Variants in SLC30A8 observed in about 807,000 individuals in gnomAD.
SLC30A8 encodes the protein solute carrier family 30 member 8, also known as proton-coupled zinc antiporter SLC30A8.
In SLC30A8, 27 loss-of-function variants were observed where a neutral mutation model predicts 36.9. The ratio of observed to expected loss-of-function variants is 0.73; its 90% CI spans 0.54 to 1.01. The LOEUF (loss-of-function observed/expected upper bound fraction) is 1.01. Ranked by LOEUF, SLC30A8 falls within the 50% of genes least tolerant of loss-of-function variation. The pLI is 0.00. For synonymous variants in SLC30A8, 164 were observed against 172.4 expected (o/e 0.95, Z 0.38); for missense variants, 439 against 452.0 (o/e 0.97, Z 0.26).
At chr8:117,152,042 G>T (rs1822214984) in intron 2 of SLC30A8, among the ~76,000 whole-genome samples, 1 of 152,162 alleles carries the variant, frequency 6.6e-6, no homozygotes, top group African/African-American at 2.4e-5. Flanking sequence ...GCGAGACAAG[G>T]TGAGTCTGAT....
chr8:117,115,511 A>G (rs188215091), intron 2 of SLC30A8, among the ~76,000 whole-genome samples: 1 of 152,078 alleles, frequency 6.6e-6, no homozygotes, highest in South Asian at 2.1e-4. Context: ...TATTCTCTTT[A>G]CAATCATTCT....
chr8:117,111,429 A>C (rs1165939361), intron 2 of SLC30A8, among the ~76,000 whole-genome samples: 2 of 152,140 alleles, frequency 1.3e-5, no homozygotes, highest in African/African-American at 4.8e-5. Flanking sequence ...TCTTTTAGTA[A>C]TAGCACCCTA....
chr8:117,101,594 C>T (rs1466201744), intron 2 of SLC30A8, among the ~76,000 whole-genome samples: 1 of 152,056 alleles, frequency 6.6e-6, no homozygotes, highest in African/African-American at 2.4e-5. Flanking sequence ...AAGTATTGTA[C>T]CTGGGTGTGT....
chr8:117,077,810 T>C (rs1179899524), intron 2 of SLC30A8, among the ~76,000 whole-genome samples: 1 of 152,234 alleles, frequency 6.6e-6, no homozygotes, highest in Non-Finnish European at 1.5e-5. Context: ...ATTGGCAATC[T>C]TTCTAGAGCG....
At chr8:117,139,039 T>C (rs1209796108) in intron 1 of SLC30A8, among the ~76,000 whole-genome samples, 1 of 151,992 alleles carries the variant, frequency 6.6e-6, no homozygotes, top group African/African-American at 2.4e-5. Flanking sequence ...TGTTGCTTCA[T>C]GATAGCAACA....
intron 2 of SLC30A8, chr8:117,129,950 C>G (rs1259960895): frequency 6.6e-6 from 1 of 151,998 alleles, no homozygotes; most frequent in Non-Finnish European, 1.5e-5. Context: ...CATCTGCTCA[C>G]TGATCAATAT....
intron 1 of SLC30A8, among the ~76,000 whole-genome samples, chr8:116,956,499 T>G (rs776079607): frequency 6.6e-6 from 1 of 152,196 alleles, no homozygotes; most frequent in Non-Finnish European, 1.5e-5. Context: ...AAAACTTCAC[T>G]TTCTAGTGAT....
intron 1 of SLC30A8, among the ~76,000 whole-genome samples, chr8:116,989,976 AG>A (rs1414734486): frequency 6.6e-6 from 1 of 152,238 alleles, no homozygotes; most frequent in African/African-American, 2.4e-5. Context: ...GTCTGCCATG[AG>A]ACAGAAGATG....
chr8:117,088,470 C>T (rs1048754380), intron 2 of SLC30A8, among the ~76,000 whole-genome samples: 21 of 152,040 alleles, frequency 1.4e-4, no homozygotes, highest in African/African-American at 3.4e-4. Context: ...AAATACCTGC[C>T]GAGAGCTGCT....
rs115153671 is a variant in SLC30A8, at chr8:117,155,131, T to A, written c.418+2041T>A. Among the ~76,000 whole-genome samples, 1,427 of 152,256 alleles carry A rather than the reference T, an allele frequency of 9.4e-3. 23 individuals are homozygous for A. Among genetic ancestry groups the A allele is most frequent in the African/African-American group, 0.032 (1,334 of 41,536 alleles). On this transcript the variant is annotated intron_variant, in intron 3 of 7. Transcript: ENST00000456015. ...AGCCCAGCTAAGCTAACTTATTTCT[T>A]TTTTAAGCAATCATTGTAACATTTA...
intron 1 of SLC30A8, among the ~76,000 whole-genome samples, chr8:116,981,876 A>C (rs1815277921): frequency 6.6e-6 from 1 of 152,298 alleles, no homozygotes; most frequent in South Asian, 2.1e-4. Flanking sequence ...TGTGATGAAC[A>C]TATGTGTGCA....
At chr8:117,073,804 CA>C (rs1818409208) in intron 2 of SLC30A8, among the ~76,000 whole-genome samples, 2 of 152,012 alleles carry the variant, frequency 1.3e-5, no homozygotes, top group African/African-American at 4.8e-5. Flanking sequence ...TCATAAAACC[CA>C]ATGGCACAGT....
chr8:117,046,667 A>T (rs1817561561), intron 2 of SLC30A8, among the ~76,000 whole-genome samples: 1 of 152,236 alleles, frequency 6.6e-6, no homozygotes, highest in African/African-American at 2.4e-5. Flanking sequence ...GAGACATAGA[A>T]TCAGAACAGA....
rs1364161992 is a variant in SLC30A8, at chr8:117,147,027, G to A, written c.145G>A (p.Gly49Ser). The A allele has an allele frequency of 1.9e-6, 3 of 1,614,154 alleles. No homozygotes were observed. Among genetic ancestry groups the A allele is most frequent in the East Asian group, 2.2e-5 (1 of 44,868 alleles). Reference protein sequence around the residue: ...RERPEELESGGMYHCHSGSKP... With the variant: ...RERPEELESGSMYHCHSGSKP... ...GAGACCAGAGGAGCTGGAGTCAGGAGGCATGTACCACTGCCACAGTGGCTC... is the reference window on the plus strand; with the variant it reads ...GAGACCAGAGGAGCTGGAGTCAGGAAGCATGTACCACTGCCACAGTGGCTC... The change falls in exon 2 of 8, where the codon GGC becomes AGC. Residue 49 changes from glycine to serine, a missense_variant. Transcript: ENST00000456015.
intron 1 of SLC30A8, among the ~76,000 whole-genome samples, chr8:116,953,099 C>G (rs1157029335): frequency 6.6e-6 from 1 of 151,992 alleles, no homozygotes; most frequent in Non-Finnish European, 1.5e-5. Flanking sequence ...AGTTTAGCTC[C>G]CACTTATAAG....
chr8:117,149,578 A>G (rs1219750022), intron 2 of SLC30A8, among the ~76,000 whole-genome samples: 2 of 152,184 alleles, frequency 1.3e-5, no homozygotes, highest in Non-Finnish European at 2.9e-5. Flanking sequence ...ATAATTACGC[A>G]ATTTTGGGTG....
intron 2 of SLC30A8, among the ~76,000 whole-genome samples, chr8:117,087,673 CATT>C (rs1410794102): frequency 6.6e-6 from 1 of 152,100 alleles, no homozygotes; most frequent in Non-Finnish European, 1.5e-5. Flanking sequence ...ATTTCTACCT[CATT>C]ATATGCCACT....
At chr8:117,043,150 A>G (rs1387075283) in intron 2 of SLC30A8, among the ~76,000 whole-genome samples, 3 of 152,236 alleles carry the variant, frequency 2.0e-5, no homozygotes, top group Admixed American at 1.3e-4. Flanking sequence ...GTTTCCAGAC[A>G]GTATATAATT....
At chr8:117,060,922 A>G (rs868847218) in intron 2 of SLC30A8, among the ~76,000 whole-genome samples, 1 of 151,942 alleles carries the variant, frequency 6.6e-6, no homozygotes, top group Non-Finnish European at 1.5e-5. Context: ...TTTTGTGGAC[A>G]TATTTCTCTA....
Sources: allele counts gnomAD v4.1 joint callset (sites outside exome capture counted in the v4.1 genomes callset), GRCh38; gene constraint gnomAD v4.1.1; transcripts MANE v1.5; gene names NCBI Gene and HGNC (gene_info 2026-07-23, HGNC 2026-07-21).